Variants in ZFYVE16 observed in about 807,000 individuals in gnomAD.
ZFYVE16 encodes zinc finger FYVE-type containing 16.
A neutral mutation model predicts 138.1 loss-of-function variants in ZFYVE16; 89 were observed. The observed-to-expected ratio is 0.64, with a 90% CI of 0.54 to 0.77. ZFYVE16 has a LOEUF of 0.77. ZFYVE16 is among the 30% of genes least tolerant of loss of function. The pLI, the probability that ZFYVE16 is intolerant of heterozygous loss-of-function variation, is 0.00. For synonymous variants in ZFYVE16, 596 were observed against 618.3 expected (o/e 0.96, Z 0.53); for missense variants, 1,793 against 1,786.7 (o/e 1.00, Z -0.06).
chr5:80,432,074 G>GA (rs1392143308), intron 2 of ZFYVE16, among the ~76,000 whole-genome samples: 15 of 151,906 alleles, frequency 9.9e-5, no homozygotes, highest in Admixed American at 7.9e-4. Flanking sequence ...CACAGAATTG[G>GA]CAAAAACTAC....
intron 1 of ZFYVE16, chr5:80,411,512 T>C (rs1170026648): frequency 6.6e-6 from 1 of 152,200 alleles, no homozygotes; most frequent in African/African-American, 2.4e-5. Context: ...TAACATTATA[T>C]ATTGGATATT....
chr5:80,469,205 C>T (rs142005963), intron 15 of ZFYVE16, among the ~76,000 whole-genome samples: 2 of 151,458 alleles, frequency 1.3e-5, no homozygotes, highest in Non-Finnish European at 2.9e-5. Flanking sequence ...AAGGCTCAGG[C>T]AGTCCTCCCA....
In ZFYVE16 at chr5:80,443,195, C is replaced by T; in HGVS notation, c.2492C>T (p.Thr831Ile). The T allele has an allele frequency of 1.9e-6, 3 of 1,608,500 alleles. No individual in the cohort carries two copies. The highest frequency in any genetic ancestry group is 2.5e-6 in the Non-Finnish European group (3 of 1,178,686). Residue 831 changes from threonine to isoleucine, a missense_variant, in exon 6 of 19, where the codon ACT becomes ATT. Thr to Ile is a moderately conservative substitution (Grantham distance 89). Transcript: ENST00000505560. Reference sequence around the variant, plus strand: ...TCTAATCATTCTGATGAATGTACTACTGTCCAGCCTCCTCAGGAGAACCAA... The same window carrying T: ...TCTAATCATTCTGATGAATGTACTATTGTCCAGCCTCCTCAGGAGAACCAA... ...LKSNHSDECT[T>I]VQPPQENQTS...
At chr5:80,425,183 GT>G (rs1413305634) in intron 1 of ZFYVE16, among the ~76,000 whole-genome samples, 1 of 152,014 alleles carries the variant, frequency 6.6e-6, no homozygotes, top group Non-Finnish European at 1.5e-5. Context: ...TTCTCATTTT[GT>G]CTTCAATACC....
chr5:80,440,240 A>C, intron 5 of ZFYVE16: 4 of 1,174,796 alleles, frequency 3.4e-6, no homozygotes, highest in Non-Finnish European at 4.2e-6. Context: ...GGAAGCATTC[A>C]GTTTCTGGAG....
chr5:80,468,010 G>A (rs1048071132), intron 15 of ZFYVE16, among the ~76,000 whole-genome samples: 2 of 152,034 alleles, frequency 1.3e-5, no homozygotes, highest in Non-Finnish European at 2.9e-5. Flanking sequence ...AAACTTCATG[G>A]TGGCATGCAC....
Position 80,450,542 on chromosome 5 carries a change from A to AC in ZFYVE16, c.3339dup (p.Ile1114HisfsTer10). 6.2e-7 allele frequency: 1 copy of AC among 1,613,554 alleles called. No individual in the cohort carries two copies. Among genetic ancestry groups the AC allele is most frequent in the Non-Finnish European group, 8.5e-7 (1 of 1,179,698 alleles). On this transcript the variant is annotated frameshift_variant, in exon 10 of 19. Transcript: ENST00000505560. LOFTEE classifies it high-confidence loss of function. ...CCAAATGAAGATACTATTCCTAAGG[A>AC]CATCTTCAGACTATTTATCACCATA...
chr5:80,427,990 A>AAAT (rs1748377812), intron 2 of ZFYVE16, among the ~76,000 whole-genome samples: 12 of 150,756 alleles, frequency 8.0e-5, no homozygotes, highest in Admixed American at 2.0e-4. Context: ...AAAAAAAAAA[A>AAAT]AAAAAAGATG....
chr5:80,470,109 T>TTC (rs1754206684), intron 15 of ZFYVE16, among the ~76,000 whole-genome samples: 1 of 39,850 alleles, frequency 2.5e-5, no homozygotes. Context: ...GTATTTTTTT[T>TTC]TTTTTTTTTT....
rs565363958 is a variant in ZFYVE16 at position 80,459,367 on chromosome 5, T to TAA, written c.3944-43_3944-42dup. On this transcript the variant is annotated intron_variant, in intron 14 of 18. Transcript: ENST00000505560. ...TTCTGCATTTAACAAATGTGTAACA[T>TAA]AAAAATGAGCAGTTTAAAACAAATA... The TAA allele has an allele frequency of 1.1e-5, 17 of 1,545,398 alleles. No individual in the cohort carries two copies. In the South Asian group the frequency reaches 1.8e-4, roughly 17 times the overall value.
At chr5:80,427,051 T>C (rs1748184635) in intron 1 of ZFYVE16, among the ~76,000 whole-genome samples, 1 of 152,016 alleles carries the variant, frequency 6.6e-6, no homozygotes, top group Non-Finnish European at 1.5e-5. Context: ...GTCTTTTTTT[T>C]TTTTTCCTTT....
At chr5:80,474,891 C>G (rs892843578) in intron 18 of ZFYVE16, 61 bp downstream of exon 18, 3 of 1,532,572 alleles carry the variant, frequency 2.0e-6, no homozygotes, top group Non-Finnish European at 2.6e-6. Context: ...ACAAGTTTTT[C>G]TTCAACCTTT....
At chr5:80,447,903 T>G in intron 7 of ZFYVE16, 123 bp from the exon 8 acceptor site, 5 of 831,008 alleles carry the variant, frequency 6.0e-6, no homozygotes, top group Non-Finnish European at 8.6e-6. Flanking sequence ...AGAGAATTTC[T>G]GAACGCATTT....
chr5:80,441,332 A>G, intron 5 of ZFYVE16: 1 of 985,458 alleles, frequency 1.0e-6, no homozygotes, highest in South Asian at 4.7e-5. Context: ...AAAGAAATTC[A>G]GTAGAATACT....
chr5:80,434,302 A>C, intron 3 of ZFYVE16, 85 bp downstream of exon 3: 1 of 1,393,282 alleles, frequency 7.2e-7, no homozygotes, highest in Non-Finnish European at 1.0e-6. Flanking sequence ...AATATTAGCA[A>C]AATTTTCTTT....
At chr5:80,426,367 G>C (rs1748079199) in intron 1 of ZFYVE16, among the ~76,000 whole-genome samples, 1 of 151,672 alleles carries the variant, frequency 6.6e-6, no homozygotes, top group Non-Finnish European at 1.5e-5. Context: ...GTGCCACGGT[G>C]GTTTGCTGCA....
intron 1 of ZFYVE16, among the ~76,000 whole-genome samples, chr5:80,408,522 G>T (rs1288799466): frequency 6.6e-6 from 1 of 152,264 alleles, no homozygotes; most frequent in African/African-American, 2.4e-5. Context: ...GCCTGGGGAG[G>T]GGCTGCGACT....
At chr5:80,439,915 T>C in intron 4 of ZFYVE16, 21 bp from the exon 5 acceptor site, 1 of 1,588,752 alleles carries the variant, frequency 6.3e-7, no homozygotes, top group African/African-American at 1.3e-5. Flanking sequence ...AAAGACAAAT[T>C]TGATATTTTA....
chr5:80,481,009 A>G lies in ZFYVE16; in HGVS notation c.*3632A>G, dbSNP rs1755248858. On this transcript the variant is annotated 3_prime_UTR_variant, in exon 19 of 19. Coordinates refer to ENST00000505560, the MANE Select transcript of ZFYVE16 (RefSeq NM_001284236.3). The stretch of plus-strand genomic sequence containing the variant: ...TTGCTGTTTCTAGTCAGAGGACCAG[A>G]AAGGAGGTTGGAGGCTATGGGACAA... Among the ~76,000 whole-genome samples, 1 of 152,220 alleles carries G rather than the reference A, an allele frequency of 6.6e-6. No homozygotes were observed. Among genetic ancestry groups the G allele is most frequent in the Non-Finnish European group, 1.5e-5 (1 of 68,046 alleles).
Sources: gnomAD v4.1 joint callset for allele counts (sites outside exome capture counted in the v4.1 genomes callset) on GRCh38, gnomAD v4.1.1 for gene constraint, MANE v1.5 for transcripts, NCBI Gene and HGNC (gene_info 2026-07-23, HGNC 2026-07-21) for gene names.